The following ZNF503 variants were observed in gnomAD, a reference collection of about 807,000 sequenced individuals.
The protein encoded by ZNF503 is zinc finger protein 503.
Under a neutral mutation model 34.4 loss-of-function variants are expected in ZNF503, and 15 were observed. The observed-to-expected ratio is 0.44, with a 90% CI of 0.29 to 0.67. The LOEUF is 0.67. Among genes scored for constraint, ZNF503 ranks in the 30% least tolerant of loss-of-function variants. The probability of loss-of-function intolerance (pLI) is 0.13; values close to 1 mark genes in which losing one functional copy is unlikely to be tolerated. For synonymous variants in ZNF503, 580 were observed against 456.8 expected (o/e 1.27, Z -3.44); for missense variants, 1,007 against 926.8 (o/e 1.09, Z -1.12).
chr10:75,377,740 G>A, the ZNF503 span, among the ~76,000 whole-genome samples: 1 of 152,204 alleles, frequency 6.6e-6, no homozygotes, highest in Admixed American at 6.5e-5. Flanking sequence ...GAATACCATT[G>A]TGCAATGCGA....
the ZNF503 span, among the ~76,000 whole-genome samples, chr10:75,301,836 A>G: frequency 6.6e-6 from 1 of 152,194 alleles, no homozygotes; most frequent in African/African-American, 2.4e-5. Context: ...TTATAAACCT[A>G]ATAATACAAT....
At chr10:75,296,436 C>T in the ZNF503 span, 3 of 152,204 alleles carry the variant, frequency 2.0e-5, no homozygotes, top group Non-Finnish European at 4.4e-5. Flanking sequence ...TTCATTGGAT[C>T]CATGCAGGTC....
chr10:75,398,800 G>A lies in ZNF503; in HGVS notation c.1890C>T (p.Tyr630=), dbSNP rs577000468. ...PAATGPYYSP[Y]ALYGQRLTTA... Reference sequence around the variant, plus strand: ...TGGTCAGTCTCTGTCCGTAGAGGGCGTAGGGGGAGTAGTACGGTCCGGTGG... The same window carrying A: ...TGGTCAGTCTCTGTCCGTAGAGGGCATAGGGGGAGTAGTACGGTCCGGTGG... Residue 630 remains tyrosine (Y), a synonymous_variant, in exon 2 of 2, where the codon TAC becomes TAT. Transcript: ENST00000372524. The A allele has an allele frequency of 8.3e-5, 123 of 1,480,544 alleles. No homozygotes were observed. In the East Asian group the frequency reaches 1.8e-3, roughly 22 times the overall value. The allele number at this position is 1,480,544 out of a possible 1,614,324, so 91.7% of individuals were successfully genotyped here. A position where few individuals can be genotyped will look rare whatever the true frequency, so the allele number is the denominator to read the frequency against.
At chr10:75,290,635 A>T in the ZNF503 span, among the ~76,000 whole-genome samples, 1 of 152,216 alleles carries the variant, frequency 6.6e-6, no homozygotes, top group African/African-American at 2.4e-5. Context: ...AGCATGTGGA[A>T]TGAGAGATAC....
downstream of ZNF503, among the ~76,000 whole-genome samples, chr10:75,393,367 C>A (rs1212342859): frequency 2.1e-4 from 32 of 152,218 alleles, no homozygotes; most frequent in Admixed American, 2.0e-3. Context: ...GGAGCCAACC[C>A]AAGCATAGGT....
Position 75,401,761 on chromosome 10 carries a change from C to A in ZNF503, c.-342G>T. ...CGAGCCGCTGCGTGTCCAGCCGGGG[C>A]TCTGGCGAGGAAACTCACTTCAAAA... On this transcript the variant is annotated 5_prime_UTR_variant, in exon 1 of 2. Transcript: ENST00000372524. 2 of 338,012 alleles carry A rather than the reference C, an allele frequency of 5.9e-6. No homozygotes were observed. Among genetic ancestry groups the A allele is most frequent in the South Asian group, 5.3e-5 (1 of 19,010 alleles). 20.9% of individuals were successfully genotyped at this position (338,012 alleles called of 1,614,324 possible). A position where few individuals can be genotyped will look rare whatever the true frequency, so the allele number is the denominator to read the frequency against.
chr10:75,345,501 G>C, the ZNF503 span, among the ~76,000 whole-genome samples: 2 of 151,824 alleles, frequency 1.3e-5, no homozygotes, highest in African/African-American at 2.4e-5. Flanking sequence ...CAGGCGTTGT[G>C]GTGGGTGCCT....
chr10:75,339,954 G>A, the ZNF503 span, among the ~76,000 whole-genome samples: 5 of 152,136 alleles, frequency 3.3e-5, no homozygotes, highest in East Asian at 1.9e-4. Flanking sequence ...AGTGGCTCAC[G>A]CCTGTAATCC....
chr10:75,353,939 G>A, the ZNF503 span, among the ~76,000 whole-genome samples: 1 of 152,344 alleles, frequency 6.6e-6, no homozygotes, highest in South Asian at 2.1e-4. Context: ...CTCAGCTTGG[G>A]AAATCGGCAA....
chr10:75,396,345 C>T (rs1589132097), downstream of ZNF503, among the ~76,000 whole-genome samples: 1 of 152,108 alleles, frequency 6.6e-6, no homozygotes, highest in Admixed American at 6.5e-5. The surrounding 1 kb of genome is among the most constrained non-coding windows in gnomAD (Gnocchi z 4.4). Context: ...ACATCAGGGT[C>T]GGGGGTGTGG....
chr10:75,362,283 C>T, the ZNF503 span, among the ~76,000 whole-genome samples: 2 of 151,886 alleles, frequency 1.3e-5, no homozygotes, highest in African/African-American at 4.8e-5. Context: ...GAGGGGGGCA[C>T]TCTGCAAAGG....
chr10:75,311,749 C>T, the ZNF503 span, among the ~76,000 whole-genome samples: 2 of 146,850 alleles, frequency 1.4e-5, no homozygotes, highest in Non-Finnish European at 3.0e-5. Flanking sequence ...CTTTATAAAC[C>T]TCTTTCCTTT....
At chr10:75,279,766 G>T in the ZNF503 span, 9 of 152,248 alleles carry the variant, frequency 5.9e-5, no homozygotes, top group Non-Finnish European at 1.0e-4. Flanking sequence ...CAGTTCTGGA[G>T]TCTGGGAAAT....
chr10:75,318,493 A>T, the ZNF503 span, among the ~76,000 whole-genome samples: 1 of 152,000 alleles, frequency 6.6e-6, no homozygotes, highest in African/African-American at 2.4e-5. Context: ...ACATAGTGAG[A>T]CCCTGTCTCT....
At chr10:75,318,617 T>C in the ZNF503 span, among the ~76,000 whole-genome samples, 1 of 149,090 alleles carries the variant, frequency 6.7e-6, no homozygotes, top group Non-Finnish European at 1.5e-5. Context: ...TGCAGTGAGC[T>C]GTTATTGTGC....
the ZNF503 span, among the ~76,000 whole-genome samples, chr10:75,322,509 CAT>C: frequency 3.3e-5 from 5 of 151,988 alleles, no homozygotes; most frequent in East Asian, 1.9e-4. Context: ...TTAAACCACA[CAT>C]GATATAATTT....
the ZNF503 span, among the ~76,000 whole-genome samples, chr10:75,323,814 A>T: frequency 1.3e-5 from 2 of 152,100 alleles, no homozygotes; most frequent in Non-Finnish European, 2.9e-5. Context: ...CAGCCTGGCC[A>T]ACATGGTGAA....
At chr10:75,375,905 T>C in the ZNF503 span, among the ~76,000 whole-genome samples, 1 of 152,198 alleles carries the variant, frequency 6.6e-6, no homozygotes, top group Non-Finnish European at 1.5e-5. Context: ...CAAGGGATTC[T>C]GGAGGAAATC....
At chr10:75,340,794 G>A in the ZNF503 span, among the ~76,000 whole-genome samples, 1 of 152,226 alleles carries the variant, frequency 6.6e-6, no homozygotes, top group African/African-American at 2.4e-5. Flanking sequence ...GTAGAGATGT[G>A]GTTTCACCAT....
Sources: gnomAD v4.1 joint callset for allele counts (sites outside exome capture counted in the v4.1 genomes callset) on GRCh38, gnomAD v4.1.1 for gene constraint, Gnocchi (gnomAD v3.1) non-coding constraint, MANE v1.5 for transcripts, NCBI Gene and HGNC (gene_info 2026-07-23, HGNC 2026-07-21) for gene names.